PRR5L: variants seen among roughly 807,000 people sequenced by gnomAD.
PRR5L encodes proline rich 5 like.
Under a neutral mutation model 36.4 loss-of-function variants are expected in PRR5L, and 21 were observed. The observed-to-expected ratio is 0.58, with a 90% CI of 0.41 to 0.83. The LOEUF (loss-of-function observed/expected upper bound fraction) is 0.83. PRR5L is among the 40% of genes least tolerant of loss of function. The pLI is 0.00. For synonymous variants in PRR5L, 188 were observed against 197.0 expected (o/e 0.95, Z 0.38); for missense variants, 381 against 473.3 (o/e 0.80, Z 1.81).
intron 1 of PRR5L, among the ~76,000 whole-genome samples, chr11:36,362,841 G>C (rs2133503339): frequency 6.6e-6 from 1 of 152,184 alleles, no homozygotes; most frequent in African/African-American, 2.4e-5. Flanking sequence ...ACAAGAGGAG[G>C]CAAATGCTGC....
rs781246043 is a variant in PRR5L at position 36,462,767 on chromosome 11, T to C, written c.*31T>C. ...CACCCCTGGGCCTTTCCATCTCCTG[T>C]TTTGCAACCAGGATGAGGACCCCTC... is the stretch of plus-strand genomic sequence containing the variant. On this transcript the variant is annotated 3_prime_UTR_variant, in exon 9 of 9. Coordinates refer to ENST00000530639, the MANE Select transcript of PRR5L (RefSeq NM_001160167.2). 6.0e-6 allele frequency: 9 copies of C among 1,509,924 alleles called. No individual in the cohort carries two copies. In the African/African-American group the frequency reaches 1.1e-4, roughly 19 times the overall value. The allele number at this position is 1,509,924 out of a possible 1,614,324, so 93.5% of individuals were successfully genotyped here.
chr11:36,300,243 G>A (rs936108468), intron 1 of PRR5L, among the ~76,000 whole-genome samples: 1 of 152,144 alleles, frequency 6.6e-6, no homozygotes, highest in Admixed American at 6.5e-5. Context: ...ACTTGCATCT[G>A]CTCAGCTTTT....
At chr11:36,430,109 C>T (rs1213387444) in intron 4 of PRR5L, among the ~76,000 whole-genome samples, 5 of 152,002 alleles carry the variant, frequency 3.3e-5, no homozygotes, top group African/African-American at 1.2e-4. Flanking sequence ...TTCTATCTGC[C>T]ATCTTGAAAC....
intron 1 of PRR5L, among the ~76,000 whole-genome samples, chr11:36,368,338 T>A (rs968921214): frequency 6.6e-6 from 1 of 151,806 alleles, no homozygotes; most frequent in Middle Eastern, 3.2e-3. Flanking sequence ...TAGGGAGGGA[T>A]TGTGGTCTGG....
intron 4 of PRR5L, chr11:36,425,870 A>G (rs1858371363): frequency 6.6e-6 from 1 of 152,210 alleles, no homozygotes; most frequent in African/African-American, 2.4e-5. Context: ...GTTTATGCCA[A>G]CAACAGGAAC....
intron 2 of PRR5L, 24 bp downstream of exon 2, chr11:36,401,309 G>A: frequency 6.2e-7 from 1 of 1,604,880 alleles, no homozygotes. Context: ...CAGGATGTGG[G>A]GTGGAGGGCT....
At chr11:36,404,277 T>TTTTTGTTTTTG (rs774734567) in intron 3 of PRR5L, among the ~76,000 whole-genome samples, 2,211 of 136,256 alleles carry the variant, frequency 0.016, 59 homozygotes, top group African/African-American at 0.064. Flanking sequence ...TCTTTTTTTT[T>TTTTTGTTTTTG]TTTTTTTTTT....
rs534674766 is a variant in PRR5L at position 36,376,164 on chromosome 11, T to A, written c.-125-24833T>A. The A allele has an allele frequency of 1.0e-5, 13 of 1,304,844 alleles. No homozygotes were observed. The African/African-American group carries it at 1.7e-4, about 17-fold the overall frequency. The allele number at this position is 1,304,844 out of a possible 1,614,324, so 80.8% of individuals were successfully genotyped here. On this transcript the variant is annotated intron_variant, in intron 1 of 8. Coordinates refer to ENST00000530639, the MANE Select transcript of PRR5L (RefSeq NM_001160167.2). ...CTGAAATTGTTGAACTGGATGTAAG[T>A]GCAGGGCCCCCCTCTCCGCTCTCCC...
chr11:36,411,001 C>T (rs747584813), intron 3 of PRR5L, among the ~76,000 whole-genome samples: 7 of 152,184 alleles, frequency 4.6e-5, no homozygotes, highest in Non-Finnish European at 1.0e-4. Flanking sequence ...TGGGGCAAAC[C>T]CTACTTGCCA....
intron 1 of PRR5L, among the ~76,000 whole-genome samples, chr11:36,357,028 G>A (rs905947368): frequency 6.6e-6 from 1 of 152,138 alleles, no homozygotes; most frequent in Non-Finnish European, 1.5e-5. Flanking sequence ...CAAAGGAAAA[G>A]TTCTTGAAAT....
intron 8 of PRR5L, among the ~76,000 whole-genome samples, chr11:36,457,137 A>G (rs114691968): frequency 0.023 from 3,505 of 152,284 alleles, 127 homozygotes; most frequent in African/African-American, 0.08. Flanking sequence ...CATTTCCTAC[A>G]AAGATGCTGC....
rs1163982987 is a variant in PRR5L, at chr11:36,446,449, G to A, written c.585+9G>A. On this transcript the variant is annotated intron_variant, in intron 7 of 8. Coordinates refer to ENST00000530639, the MANE Select transcript of PRR5L (RefSeq NM_001160167.2). ...TGTTGCTCATCCTGCAGGTGAGGCT[G>A]TGCTGGAGACTTGCCCCAAGGCAGA... 1.2e-6 allele frequency: 2 copies of A among 1,613,776 alleles called. No homozygotes were observed. The highest frequency in any genetic ancestry group is 2.2e-5 in the East Asian group (1 of 44,882).
At position 36,463,199 on chromosome 11, in the gene PRR5L, G is replaced by A. The variant is rs538483917; in HGVS notation, c.*463G>A. ...GGTTTATGGGTGAAAAATTAGTGGA[G>A]AGGGAACTCCTCTCCCCCATTTTGT... On this transcript the variant is annotated 3_prime_UTR_variant, in exon 9 of 9. Coordinates refer to ENST00000530639, the MANE Select transcript of PRR5L (RefSeq NM_001160167.2). 1.8e-4 allele frequency: 27 copies of A among 154,092 alleles called. No individual in the cohort carries two copies. The highest frequency in any genetic ancestry group is 2.7e-4 in the Non-Finnish European group (19 of 69,438). The allele number at this position is 154,092 out of a possible 1,614,324, so 9.5% of individuals were successfully genotyped here.
intron 3 of PRR5L, among the ~76,000 whole-genome samples, chr11:36,418,239 ATCTC>A (rs1445678450): frequency 6.6e-6 from 1 of 152,006 alleles, no homozygotes; most frequent in African/African-American, 2.4e-5. Flanking sequence ...GATAAATAAA[ATCTC>A]TCTATTGTCC....
intron 1 of PRR5L, among the ~76,000 whole-genome samples, chr11:36,316,699 A>T (rs763891382): frequency 2.6e-5 from 4 of 152,116 alleles, no homozygotes; most frequent in African/African-American, 9.7e-5. Flanking sequence ...TACAATAGTG[A>T]TGTTATCCCT....
At chr11:36,376,747 A>G in intron 1 of PRR5L, 1 of 981,920 alleles carries the variant, frequency 1.0e-6, no homozygotes, top group Non-Finnish European at 1.2e-6. Flanking sequence ...GGCCGGAGTC[A>G]TAGGCTCAGC....
At chr11:36,375,234 CAAA>C (rs35932528) in intron 1 of PRR5L, among the ~76,000 whole-genome samples, 14 of 140,594 alleles carry the variant, frequency 1.0e-4, no homozygotes, top group Non-Finnish European at 1.1e-4. Flanking sequence ...GAAACTGTCT[CAAA>C]AAAAAAAAAA....
chr11:36,300,459 T>G (rs1467204534), intron 1 of PRR5L, among the ~76,000 whole-genome samples: 1 of 152,130 alleles, frequency 6.6e-6, no homozygotes, highest in Non-Finnish European at 1.5e-5. Flanking sequence ...CATGTCCCAC[T>G]AGACCCCACC....
At chr11:36,448,773 G>A (rs567631818) in intron 7 of PRR5L, among the ~76,000 whole-genome samples, 9 of 152,162 alleles carry the variant, frequency 5.9e-5, no homozygotes, top group Admixed American at 6.5e-5. Flanking sequence ...AGTCAGGCAA[G>A]GAAATGGTTC....
Sources: allele counts gnomAD v4.1 joint callset (sites outside exome capture counted in the v4.1 genomes callset), GRCh38; gene constraint gnomAD v4.1.1; transcripts MANE v1.5; gene names NCBI Gene and HGNC (gene_info 2026-07-23, HGNC 2026-07-21).